Variants in PCDH19 observed in about 807,000 individuals in gnomAD.
PCDH19 encodes the protein protocadherin 19.
PCDH19 carries 6 observed loss-of-function variants against 46.2 expected under a neutral mutation model. The ratio of observed to expected loss-of-function variants is 0.13; its 90% CI spans 0.07 to 0.26. The LOEUF is 0.26. PCDH19 is among the 10% of genes least tolerant of loss of function. The probability of loss-of-function intolerance (pLI) is 1.00; values close to 1 mark genes in which losing one functional copy is unlikely to be tolerated. For missense variants in PCDH19, 740 were observed against 972.3 expected, an observed-to-expected ratio of 0.76 and a Z score of 3.18; for synonymous variants, 481 against 415.7, an observed-to-expected ratio of 1.16 and a Z score of -1.91.
chrX:100,397,995 T>TACAC (rs72048003), intron 3 of PCDH19, among the ~76,000 whole-genome samples: 11 of 107,109 alleles, frequency 1.0e-4, no homozygotes, highest in African/African-American at 1.7e-4. Context: ...TACGCCCTCA[T>TACAC]ACACACACAC....
intron 5 of PCDH19, among the ~76,000 whole-genome samples, chrX:100,327,631 G>A (rs1432785325): frequency 1.8e-5 from 2 of 111,338 alleles, no homozygotes; most frequent in African/African-American, 6.5e-5. Flanking sequence ...AAGGAAATCT[G>A]GATTATACCC....
At chrX:100,405,353 C>A (rs190652259) in intron 1 of PCDH19, among the ~76,000 whole-genome samples, 1 of 111,645 alleles carries the variant, frequency 9.0e-6, no homozygotes, top group Non-Finnish European at 1.9e-5. Context: ...TCAACTGTTT[C>A]GATGAGACAC....
intron 5 of PCDH19, among the ~76,000 whole-genome samples, chrX:100,321,802 TTTTC>T (rs1203706735): frequency 1.3e-4 from 5 of 37,516 alleles, no homozygotes; most frequent in Admixed American, 1.3e-3. Context: ...TTTTTTTTTT[TTTTC>T]TGAGACAGAG....
chrX:100,402,468 A>G, intron 3 of PCDH19, 56 bp downstream of exon 3: 1 of 1,009,210 alleles, frequency 9.9e-7, no homozygotes, highest in Non-Finnish European at 1.4e-6. Flanking sequence ...GTATCCAGCG[A>G]GCAGCTAAAG....
intron 3 of PCDH19, among the ~76,000 whole-genome samples, chrX:100,381,134 A>G (rs1457120456): frequency 8.9e-6 from 1 of 112,325 alleles, no homozygotes; most frequent in East Asian, 2.8e-4. Flanking sequence ...TGAGCAACGT[A>G]GAAGGTCCAA....
intron 3 of PCDH19, among the ~76,000 whole-genome samples, chrX:100,366,821 A>G (rs1927081382): frequency 8.9e-6 from 1 of 112,369 alleles, no homozygotes; most frequent in African/African-American, 3.2e-5. Context: ...TTCTCATTCT[A>G]TGAACTTGAA....
Position 100,375,686 on chromosome X carries a change from G to A in PCDH19, c.2617-24982C>T, listed in dbSNP as rs761181658. On this transcript the variant is annotated intron_variant, in intron 3 of 5. Coordinates refer to ENST00000373034, the MANE Select transcript of PCDH19 (RefSeq NM_001184880.2). The stretch of plus-strand genomic sequence containing the variant: ...AATCGCCACAATGTCTTCCACAGTG[G>A]TTGAACTAGTACAGTCCCAAGCCCT... 4.5e-5 allele frequency among the ~76,000 whole-genome samples: 5 copies of A among 111,847 alleles called. 1 individual carries two copies. The South Asian group carries it at 1.9e-3, about 42-fold the overall frequency.
Position 100,408,964 on chromosome X carries a change from G to A in PCDH19, c.-367C>T, listed in dbSNP as rs1928504963. The A allele has an allele frequency of 8.8e-6, 1 of 113,081 alleles. No individual in the cohort carries two copies. Among genetic ancestry groups the A allele is most frequent in the African/African-American group, 3.2e-5 (1 of 31,059 alleles). 9.3% of individuals were successfully genotyped at this position (113,081 alleles called of 1,213,427 possible). ...GGGCTGCGGGTCGGGCGGCGTCTGC[G>A]CGGCCTGGAGGACGCACCGCTGAGT... On this transcript the variant is annotated 5_prime_UTR_variant, in exon 1 of 6. Coordinates refer to ENST00000373034, the MANE Select transcript of PCDH19 (RefSeq NM_001184880.2).
chrX:100,300,836 A>G (rs1222761393), intron 5 of PCDH19, among the ~76,000 whole-genome samples: 1 of 107,994 alleles, frequency 9.3e-6, no homozygotes, highest in African/African-American at 3.4e-5. Context: ...AGTTTCTTCA[A>G]TCTACATAGC....
At chrX:100,387,377 C>A (rs1379530713) in intron 3 of PCDH19, among the ~76,000 whole-genome samples, 4 of 111,742 alleles carry the variant, frequency 3.6e-5, no homozygotes, top group Non-Finnish European at 7.5e-5. Context: ...TCAATGACCA[C>A]CAAATCATTG....
intron 3 of PCDH19, among the ~76,000 whole-genome samples, chrX:100,351,461 T>C (rs1926566200): frequency 8.9e-6 from 1 of 112,507 alleles, no homozygotes. Flanking sequence ...AAACAGCTAA[T>C]GATCACCCAG....
intron 3 of PCDH19, among the ~76,000 whole-genome samples, chrX:100,369,091 T>C (rs1329392140): frequency 8.9e-6 from 1 of 111,831 alleles, no homozygotes; most frequent in Non-Finnish European, 1.9e-5. Flanking sequence ...TTATTATTAC[T>C]ATTATTATTA....
At chrX:100,307,569 T>C (rs1924986929) in intron 5 of PCDH19, among the ~76,000 whole-genome samples, 1 of 110,581 alleles carries the variant, frequency 9.0e-6, no homozygotes, top group African/African-American at 3.3e-5. Context: ...GAGAAAGAAA[T>C]AAAGGGCATC....
At chrX:100,373,451 C>T (rs1927283345) in intron 3 of PCDH19, among the ~76,000 whole-genome samples, 1 of 112,790 alleles carries the variant, frequency 8.9e-6, no homozygotes, top group Non-Finnish European at 1.9e-5. Flanking sequence ...AGTTTTTAAC[C>T]TCTCCCTTTC....
intron 3 of PCDH19, among the ~76,000 whole-genome samples, chrX:100,355,370 G>C (rs1224451089): frequency 9.0e-6 from 1 of 111,441 alleles, no homozygotes; most frequent in Non-Finnish European, 1.9e-5. Context: ...TATACTCAAG[G>C]ACCCCAAACT....
intron 5 of PCDH19, among the ~76,000 whole-genome samples, chrX:100,317,033 A>G (rs1260668147): frequency 9.0e-6 from 1 of 111,423 alleles, no homozygotes; most frequent in Non-Finnish European, 1.9e-5. Flanking sequence ...ATAATTTTAG[A>G]TTTTCCTAGC....
Position 100,341,976 on chromosome X carries a change from C to T in PCDH19, c.2775G>A (p.Leu925=), listed in dbSNP as rs1569297103. 1 of 1,208,918 alleles carries T rather than the reference C, an allele frequency of 8.3e-7. No individual in the cohort carries two copies. Among genetic ancestry groups the T allele is most frequent in the East Asian group, 3.0e-5 (1 of 33,812 alleles). Residue 925 remains leucine, a synonymous_variant, in exon 5 of 6, where the codon CTG becomes CTA. Transcript: ENST00000373034. ...CATCGTTGACAGCAGTATCACAATA[C>T]AGGCTCCGCTGGACATCATGCTCAC... The part of the protein sequence containing the change: ...TDSEHDVQRS[L]YCDTAVNDVL...
chrX:100,310,350 G>A (rs1925094043), intron 5 of PCDH19, among the ~76,000 whole-genome samples: 1 of 110,695 alleles, frequency 9.0e-6, no homozygotes, highest in South Asian at 3.9e-4. Context: ...TTGTGCTGAT[G>A]CATGGGGAGC....
chrX:100,343,104 T>C (rs1300928966), intron 4 of PCDH19, among the ~76,000 whole-genome samples: 1 of 111,633 alleles, frequency 9.0e-6, no homozygotes, highest in East Asian at 2.8e-4. Flanking sequence ...CTGCTTGAAC[T>C]GGGACATTAA....
Sources: gnomAD v4.1 joint callset for allele counts (sites outside exome capture counted in the v4.1 genomes callset) on GRCh38, gnomAD v4.1.1 for gene constraint, MANE v1.5 for transcripts, NCBI Gene and HGNC (gene_info 2026-07-23, HGNC 2026-07-21) for gene names.